Variants in SAMD12 observed in about 807,000 individuals in gnomAD.
The protein encoded by SAMD12 is sterile alpha motif domain containing 12.
In SAMD12, 9 loss-of-function variants were observed where a neutral mutation model predicts 15.0. The ratio of observed to expected loss-of-function variants is 0.60; its 90% CI spans 0.36 to 1.05. SAMD12 has a LOEUF of 1.05. SAMD12 is among the 50% of genes least tolerant of loss of function. SAMD12 has a pLI of 0.01. For missense variants in SAMD12, 230 were observed against 234.2 expected, an observed-to-expected ratio of 0.98 and a Z score of 0.12; for synonymous variants, 86 against 90.1, an observed-to-expected ratio of 0.96 and a Z score of 0.25.
intron 1 of SAMD12, among the ~76,000 whole-genome samples, chr8:118,589,815 ACTTTC>A (rs1355024131): frequency 1.3e-5 from 2 of 152,236 alleles, no homozygotes; most frequent in African/African-American, 2.4e-5. Context: ...ATGAAATATT[ACTTTC>A]CTTTACTACA....
intron 4 of SAMD12, among the ~76,000 whole-genome samples, chr8:118,212,400 T>C (rs932771417): frequency 6.6e-6 from 1 of 152,264 alleles, no homozygotes; most frequent in Non-Finnish European, 1.5e-5. Flanking sequence ...GGCATAATTA[T>C]TAGCCTTTTG....
chr8:118,257,079 G>A (rs1252666310), intron 4 of SAMD12, among the ~76,000 whole-genome samples: 1 of 152,020 alleles, frequency 6.6e-6, no homozygotes, highest in African/African-American at 2.4e-5. Flanking sequence ...ACCAGACCCT[G>A]CAGGCATCCA....
intron 2 of SAMD12, among the ~76,000 whole-genome samples, chr8:118,568,600 C>T (rs763874567): frequency 1.3e-5 from 2 of 152,096 alleles, no homozygotes; most frequent in East Asian, 1.9e-4. Context: ...AAAATTGAGC[C>T]TGATTTTGAG....
chr8:118,138,487 G>C, the SAMD12 span, among the ~76,000 whole-genome samples: 2 of 152,162 alleles, frequency 1.3e-5, no homozygotes, highest in African/African-American at 2.4e-5. Flanking sequence ...CACCATGTGA[G>C]GACACTCCTG....
At chr8:118,444,479 G>T (rs1211862741) in intron 2 of SAMD12, among the ~76,000 whole-genome samples, 2 of 151,812 alleles carry the variant, frequency 1.3e-5, no homozygotes, top group East Asian at 3.9e-4. Context: ...CTGTTTTACA[G>T]GAAGAACTAA....
intron 4 of SAMD12, among the ~76,000 whole-genome samples, chr8:118,365,279 ACTGAGATAAGGGATG>A (rs1818708113): frequency 6.6e-6 from 1 of 152,106 alleles, no homozygotes; most frequent in South Asian, 2.1e-4. Flanking sequence ...TGTCAACTTG[ACTGAGATAAGGGATG>A]CCCAGATAGT....
chr8:118,139,215 TA>T, the SAMD12 span, among the ~76,000 whole-genome samples: 1,405 of 139,898 alleles, frequency 0.01, 8 homozygotes, highest in African/African-American at 0.013. Context: ...TGGCAGACAT[TA>T]AAAAAAAAAA....
intron 2 of SAMD12, among the ~76,000 whole-genome samples, chr8:118,556,494 A>G (rs1826534473): frequency 6.6e-6 from 1 of 152,238 alleles, no homozygotes; most frequent in East Asian, 1.9e-4. Flanking sequence ...CATGTTACAT[A>G]AGTCCTTTTG....
At chr8:118,478,800 T>C (rs1051632652) in intron 2 of SAMD12, among the ~76,000 whole-genome samples, 14 of 152,232 alleles carry the variant, frequency 9.2e-5, no homozygotes, top group Admixed American at 3.3e-4. Flanking sequence ...TCATGATCTG[T>C]GCTGTTTCTC....
rs192821943 is a variant in SAMD12 at position 118,250,228 on chromosome 8, C to T, written c.434-52496G>A. Among the ~76,000 whole-genome samples the T allele has an allele frequency of 1.4e-4, 21 of 152,174 alleles. 1 individual carries two copies. The highest frequency in any genetic ancestry group is 4.1e-4 in the African/African-American group (17 of 41,540). On this transcript the variant is annotated intron_variant, in intron 4 of 4. Coordinates refer to the SAMD12 transcript ENST00000409003. The stretch of plus-strand genomic sequence containing the variant: ...GGAGTCCCATGGAATAGAGATAAGA[C>T]GTCCTGTGTTTGAATCCTGGCTCAT...
At chr8:118,493,604 T>C (rs1000579974) in intron 2 of SAMD12, among the ~76,000 whole-genome samples, 1 of 152,234 alleles carries the variant, frequency 6.6e-6, no homozygotes, top group Non-Finnish European at 1.5e-5. Flanking sequence ...ATGATTATCC[T>C]GGATTATCTG....
chr8:118,318,323 T>TATATATATATATATATAC (rs1816034315), intron 4 of SAMD12, among the ~76,000 whole-genome samples: 1 of 14,218 alleles, frequency 7.0e-5, no homozygotes, highest in African/African-American at 1.5e-4. Flanking sequence ...TATATATATA[T>TATATATATATATATATAC]ATATATATAT....
rs560251520 is a variant in SAMD12, at chr8:118,543,395, C to T, written c.192+37320G>A. Among the ~76,000 whole-genome samples, 18 of 152,256 alleles carry T rather than the reference C, an allele frequency of 1.2e-4. No homozygotes were observed. In the South Asian group the frequency reaches 3.5e-3, roughly 30 times the overall value. On this transcript the variant is annotated intron_variant, in intron 2 of 3. Transcript: ENST00000314727. ...CCTAGTATTTCTCTGTAGAAGAGCT[C>T]CCTTCATTTCAAAGCCTAAAGTGAT...
the SAMD12 span, among the ~76,000 whole-genome samples, chr8:118,168,927 A>G: frequency 6.6e-6 from 1 of 152,308 alleles, no homozygotes; most frequent in East Asian, 1.9e-4. Flanking sequence ...CACATCAATG[A>G]CCCTAACAAT....
intron 3 of SAMD12, among the ~76,000 whole-genome samples, chr8:118,418,782 T>C (rs1200322033): frequency 3.3e-5 from 5 of 151,520 alleles, no homozygotes. Context: ...ACAAGGATAG[T>C]TTTTCCAACC....
chr8:118,621,473 A>G (rs1039371246), intron 1 of SAMD12: 3 of 389,508 alleles, frequency 7.7e-6, no homozygotes, highest in Admixed American at 4.0e-5. Context: ...GGGGGCAGGG[A>G]AAAAGGGCAT....
At chr8:118,329,996 C>T (rs1050469088) in intron 4 of SAMD12, among the ~76,000 whole-genome samples, 6 of 152,080 alleles carry the variant, frequency 3.9e-5, no homozygotes, top group African/African-American at 7.2e-5. Flanking sequence ...GGAAGAAGAA[C>T]TCGCTTGTAT....
intron 4 of SAMD12, among the ~76,000 whole-genome samples, chr8:118,225,453 T>C (rs1812168481): frequency 6.6e-6 from 1 of 152,188 alleles, no homozygotes; most frequent in Non-Finnish European, 1.5e-5. Flanking sequence ...CCAGGGTTTT[T>C]GGAGGCTGGC....
chr8:118,188,030 G>C (rs992947515), downstream of SAMD12, among the ~76,000 whole-genome samples: 2 of 151,032 alleles, frequency 1.3e-5, no homozygotes, highest in Non-Finnish European at 3.0e-5. Flanking sequence ...AAGGGTAAAT[G>C]GGTTGGAAGA....
Sources: gnomAD v4.1 joint callset for allele counts (sites outside exome capture counted in the v4.1 genomes callset) on GRCh38, gnomAD v4.1.1 for gene constraint, MANE v1.5 for transcripts, NCBI Gene and HGNC (gene_info 2026-07-23, HGNC 2026-07-21) for gene names.